DYRK1A: variants seen among roughly 807,000 people sequenced by gnomAD.
DYRK1A encodes the protein dual specificity tyrosine-phosphorylation-regulated kinase 1A.
Under a neutral mutation model 79.7 loss-of-function variants are expected in DYRK1A, and 9 were observed. The observed-to-expected ratio is 0.11, with a 90% CI of 0.07 to 0.20. The LOEUF (loss-of-function observed/expected upper bound fraction) is 0.20, where lower values mean the gene tolerates loss of function less well. Ranked by LOEUF, DYRK1A falls within the 10% of genes least tolerant of loss-of-function variation. DYRK1A has a pLI of 1.00. For synonymous variants in DYRK1A, 349 were observed against 329.7 expected, an observed-to-expected ratio of 1.06 and a Z score of -0.63; for missense variants, 622 against 956.0, an observed-to-expected ratio of 0.65 and a Z score of 4.61.
intron 2 of DYRK1A, among the ~76,000 whole-genome samples, chr21:37,435,844 C>CTT (rs2050908900): frequency 6.6e-6 from 1 of 152,182 alleles, no homozygotes; most frequent in Admixed American, 6.5e-5. Context: ...CCCTGTTCTT[C>CTT]TTCTGTTGAA....
At chr21:37,429,346 C>G (rs937103669) in intron 2 of DYRK1A, among the ~76,000 whole-genome samples, 6 of 152,126 alleles carry the variant, frequency 3.9e-5, no homozygotes, top group African/African-American at 1.4e-4. Context: ...TGTTCTTGCA[C>G]TGCTATAAAG....
intron 2 of DYRK1A, among the ~76,000 whole-genome samples, chr21:37,430,935 A>G (rs2050759275): frequency 6.6e-6 from 1 of 152,110 alleles, no homozygotes; most frequent in Admixed American, 6.5e-5. Context: ...TTTCTACTCC[A>G]GTTTTTCTTT....
intron 9 of DYRK1A, chr21:37,501,564 T>C (rs866123989): frequency 4.6e-5 from 7 of 152,222 alleles, no homozygotes; most frequent in Non-Finnish European, 1.0e-4. Flanking sequence ...TTTCAAAATA[T>C]TTGAGGATTT....
At chr21:37,428,154 C>T (rs2050679205) in intron 2 of DYRK1A, among the ~76,000 whole-genome samples, 1 of 152,176 alleles carries the variant, frequency 6.6e-6, no homozygotes, top group Admixed American at 6.5e-5. Context: ...TGAGTCCCTC[C>T]TCTTAATGAT....
At chr21:37,480,497 AT>A (rs2052598848) in intron 4 of DYRK1A, 140 bp from the exon 5 acceptor site, 1 of 579,074 alleles carries the variant, frequency 1.7e-6, no homozygotes, top group African/African-American at 1.9e-5. Context: ...CACTGTATAA[AT>A]TTTTTCATTG....
Position 37,493,279 on chromosome 21 carries a change from T to C in DYRK1A, c.1071+116T>C, listed in dbSNP as rs961713092. 1.6e-5 allele frequency: 17 copies of C among 1,032,582 alleles called. No individual in the cohort carries two copies. In the African/African-American group the frequency reaches 2.6e-4, roughly 15 times the overall value. The allele number at this position is 1,032,582 out of a possible 1,614,324, so 64.0% of individuals were successfully genotyped here. A position where few individuals can be genotyped will look rare whatever the true frequency, so the allele number is the denominator to read the frequency against. On this transcript the variant is annotated intron_variant, in intron 8 of 11. Coordinates refer to ENST00000647188, the MANE Select transcript of DYRK1A (RefSeq NM_001347721.2). ...AAAGATGTCTACTTAATCATTCAAATGTGAGGTCAGTTTGAATATACCTAT... is the reference window on the plus strand; with the variant it reads ...AAAGATGTCTACTTAATCATTCAAACGTGAGGTCAGTTTGAATATACCTAT...
chr21:37,437,861 T>G (rs1341198230), intron 2 of DYRK1A, among the ~76,000 whole-genome samples: 1 of 152,218 alleles, frequency 6.6e-6, no homozygotes, highest in Non-Finnish European at 1.5e-5. Flanking sequence ...TTCTCTTTAT[T>G]TCCTAACATT....
At chr21:37,452,169 A>G (rs1039024078) in intron 2 of DYRK1A, among the ~76,000 whole-genome samples, 7 of 151,766 alleles carry the variant, frequency 4.6e-5, no homozygotes, top group African/African-American at 1.7e-4. Context: ...GTGGACATGA[A>G]CTTTGACAGC....
rs546834041 is a variant in DYRK1A at position 37,425,391 on chromosome 21, T to A, written c.10+5007T>A. 4.6e-5 allele frequency among the ~76,000 whole-genome samples: 7 copies of A among 152,360 alleles called. No homozygotes were observed. The South Asian group carries it at 1.4e-3, about 32-fold the overall frequency. ...ATTATTTTCCATTGCTTTTTATGTT[T>A]CATAGTTTTATTTATGTTTCTAAGT... On this transcript the variant is annotated intron_variant, in intron 2 of 11. Coordinates refer to ENST00000647188, the MANE Select transcript of DYRK1A (RefSeq NM_001347721.2).
At chr21:37,492,871 C>T (rs1037941821) in intron 7 of DYRK1A, 146 bp from the exon 8 acceptor site, 26 of 576,682 alleles carry the variant, frequency 4.5e-5, no homozygotes, top group African/African-American at 4.3e-4. Flanking sequence ...AAGCCGTATT[C>T]GTAGTCTAAT....
intron 2 of DYRK1A, among the ~76,000 whole-genome samples, chr21:37,431,651 A>G (rs1366898266): frequency 6.6e-6 from 1 of 152,202 alleles, no homozygotes; most frequent in Non-Finnish European, 1.5e-5. Context: ...GTAGCTTCCC[A>G]CCAAGGTTCT....
chr21:37,458,304 G>A lies in DYRK1A; in HGVS notation c.11-14380G>A, dbSNP rs192165652. 4.2e-3 allele frequency among the ~76,000 whole-genome samples: 636 copies of A among 150,776 alleles called. 3 individuals carry two copies. The highest frequency in any genetic ancestry group is 5.4e-3 in the Non-Finnish European group (362 of 67,462). ...TGTGTGTGTGTGTGTGTGTGTGTGT[G>A]TGTACATATACATATGTATTATATT... is the stretch of plus-strand genomic sequence containing the variant. On this transcript the variant is annotated intron_variant, in intron 2 of 11. Transcript: ENST00000647188.
At chr21:37,486,775 G>T (rs1041572129) in intron 6 of DYRK1A, 161 bp downstream of exon 6, 2 of 592,590 alleles carry the variant, frequency 3.4e-6, no homozygotes, top group African/African-American at 3.9e-5. Context: ...GACTTGATCT[G>T]GTAGTAATAG....
At chr21:37,382,949 T>C (rs1182428427) in intron 1 of DYRK1A, among the ~76,000 whole-genome samples, 2 of 152,226 alleles carry the variant, frequency 1.3e-5, no homozygotes, top group Non-Finnish European at 2.9e-5. Context: ...TCATTAGTTT[T>C]TTTGGATTAT....
chr21:37,428,563 TAGG>T (rs978061264), intron 2 of DYRK1A, among the ~76,000 whole-genome samples: 108 of 152,326 alleles, frequency 7.1e-4, no homozygotes, highest in African/African-American at 2.4e-3. Context: ...AACAAGCAAA[TAGG>T]AGTTGTGAAG....
At chr21:37,483,701 G>C (rs143828008) in intron 5 of DYRK1A, among the ~76,000 whole-genome samples, 1 of 152,076 alleles carries the variant, frequency 6.6e-6, no homozygotes, top group African/African-American at 2.4e-5. Flanking sequence ...TCCCACTTCA[G>C]CCTCTAGAGT....
intron 2 of DYRK1A, among the ~76,000 whole-genome samples, chr21:37,456,932 A>G (rs1260527314): frequency 6.6e-6 from 1 of 152,214 alleles, no homozygotes; most frequent in Admixed American, 6.5e-5. Flanking sequence ...ATAAAGGGTC[A>G]TAGAAACCTG....
At chr21:37,509,808 C>T (rs954693267) in intron 11 of DYRK1A, among the ~76,000 whole-genome samples, 1 of 152,224 alleles carries the variant, frequency 6.6e-6, no homozygotes, top group African/African-American at 2.4e-5. Context: ...TAACCCTGTA[C>T]GGTAGTGTCC....
chr21:37,505,008 G>T, intron 9 of DYRK1A: 1 of 341,904 alleles, frequency 2.9e-6, no homozygotes, highest in Non-Finnish European at 5.3e-6. Context: ...TTTGTAGCTG[G>T]AGCTGTAGAA....
Sources: allele counts gnomAD v4.1 joint callset (sites outside exome capture counted in the v4.1 genomes callset), GRCh38; gene constraint gnomAD v4.1.1; transcripts MANE v1.5; gene names NCBI Gene and HGNC (gene_info 2026-07-23, HGNC 2026-07-21).